The following DPP10 variants were observed in gnomAD, a reference collection of about 807,000 sequenced individuals.
DPP10 encodes dipeptidyl peptidase like 10, also known as inactive dipeptidyl peptidase 10.
A neutral mutation model predicts 120.9 loss-of-function variants in DPP10; 33 were observed. The ratio of observed to expected loss-of-function variants is 0.27; its 90% confidence interval spans 0.21 to 0.37. DPP10 has a LOEUF of 0.37. DPP10 is among the 10% of genes least tolerant of loss of function. The probability of loss-of-function intolerance (pLI) is 1.00; values close to 1 mark genes in which losing one functional copy is unlikely to be tolerated. For synonymous variants in DPP10, 337 were observed against 326.1 expected (o/e 1.03, Z -0.36); for missense variants, 816 against 942.8 (o/e 0.87, Z 1.76).
intron 5 of DPP10, among the ~76,000 whole-genome samples, chr2:115,643,439 G>A (rs960707900): frequency 6.6e-6 from 1 of 152,112 alleles, no homozygotes; most frequent in South Asian, 2.1e-4. Context: ...AAGCTCAAGG[G>A]TCTACCTGTA....
chr2:115,270,730 A>C (rs1475247471), intron 1 of DPP10, among the ~76,000 whole-genome samples: 4 of 152,234 alleles, frequency 2.6e-5, no homozygotes, highest in Non-Finnish European at 5.9e-5. Flanking sequence ...TATGACACAC[A>C]TGCTCATTGC....
chr2:115,338,232 T>C (rs183447878), intron 2 of DPP10, among the ~76,000 whole-genome samples: 8 of 152,182 alleles, frequency 5.3e-5, no homozygotes, highest in Non-Finnish European at 1.0e-4. Context: ...TCTAATAGTA[T>C]AAAAATAAGA....
At chr2:114,597,358 A>G (rs1691998932) in intron 1 of DPP10, among the ~76,000 whole-genome samples, 1 of 152,046 alleles carries the variant, frequency 6.6e-6, no homozygotes, top group Admixed American at 6.6e-5. Flanking sequence ...CATGTAAGTT[A>G]CAAAGACCCA....
At chr2:115,063,446 C>T (rs972607645) in intron 1 of DPP10, among the ~76,000 whole-genome samples, 12 of 152,006 alleles carry the variant, frequency 7.9e-5, no homozygotes, top group African/African-American at 2.9e-4. Context: ...CAAAAAAGAG[C>T]CCATATAGCC....
At chr2:114,718,845 G>A (rs1020577578) in intron 1 of DPP10, among the ~76,000 whole-genome samples, 1 of 152,184 alleles carries the variant, frequency 6.6e-6, no homozygotes, top group Non-Finnish European at 1.5e-5. Flanking sequence ...AAACTGAGGT[G>A]CAGAGAGGCT....
At chr2:115,052,456 TAAAGACCATAA>T (rs1705571401) in intron 1 of DPP10, among the ~76,000 whole-genome samples, 1 of 152,134 alleles carries the variant, frequency 6.6e-6, no homozygotes, top group South Asian at 2.1e-4. Context: ...CCAGAATATG[TAAAGACCATAA>T]AATTCAACAC....
chr2:115,226,811 T>C (rs1269091591), intron 1 of DPP10, among the ~76,000 whole-genome samples: 1 of 152,182 alleles, frequency 6.6e-6, no homozygotes, highest in Admixed American at 6.6e-5. Flanking sequence ...TGTTTCAGAT[T>C]ACTTGTTTGG....
chr2:114,646,092 G>A (rs1484419684), intron 1 of DPP10, among the ~76,000 whole-genome samples: 3 of 151,788 alleles, frequency 2.0e-5, no homozygotes, highest in Admixed American at 6.6e-5. Flanking sequence ...CCCAGGAGGC[G>A]GAGGTTGCAG....
chr2:115,421,428 A>G (rs1239062615), intron 3 of DPP10, among the ~76,000 whole-genome samples: 2 of 152,170 alleles, frequency 1.3e-5, no homozygotes, highest in East Asian at 3.8e-4. Flanking sequence ...ACCTGCATAT[A>G]TTCCTGGAGT....
intron 13 of DPP10, among the ~76,000 whole-genome samples, chr2:115,769,498 T>G (rs2149816198): frequency 6.6e-6 from 1 of 152,206 alleles, no homozygotes; most frequent in African/African-American, 2.4e-5. Flanking sequence ...GTTTTAACTT[T>G]AATTTTAATT....
At position 114,748,281 on chromosome 2, in the gene DPP10, G is replaced by A. The variant is rs145770861; in HGVS notation, c.60+305443G>A. 9.0e-4 allele frequency among the ~76,000 whole-genome samples: 134 copies of A among 149,378 alleles called. 1 individual carries two copies. Among genetic ancestry groups the A allele is most frequent in the African/African-American group, 2.5e-3 (100 of 40,670 alleles). ...AGGCTGCATTTCCCTTTATGGACCC[G>A]TGAGAAACATGCATCTTGAGCATCC... On this transcript the variant is annotated intron_variant, in intron 1 of 25. Coordinates refer to ENST00000410059, the MANE Select transcript of DPP10 (RefSeq NM_020868.6).
chr2:115,767,003 C>G (rs68023815), intron 12 of DPP10, among the ~76,000 whole-genome samples: 17,297 of 152,130 alleles, frequency 0.11, 1,118 homozygotes, highest in African/African-American at 0.17. Context: ...CAGATCCAAA[C>G]TATATCAGGT....
intron 1 of DPP10, among the ~76,000 whole-genome samples, chr2:115,111,165 T>C (rs1559107882): frequency 6.6e-6 from 1 of 152,136 alleles, no homozygotes; most frequent in African/African-American, 2.4e-5. Context: ...GCTTATGTTT[T>C]CTCCACACAT....
chr2:114,993,465 T>C (rs1431269525), intron 1 of DPP10, among the ~76,000 whole-genome samples: 1 of 151,290 alleles, frequency 6.6e-6, no homozygotes, highest in Non-Finnish European at 1.5e-5. Flanking sequence ...TACAAAACCT[T>C]ATAGAACCAA....
chr2:115,553,499 G>A (rs1396401663), intron 5 of DPP10, among the ~76,000 whole-genome samples: 4 of 151,744 alleles, frequency 2.6e-5, no homozygotes, highest in Non-Finnish European at 5.9e-5. Context: ...TTTGAACCTT[G>A]AATGAATAAA....
At chr2:114,798,984 C>A (rs572203438) in intron 1 of DPP10, among the ~76,000 whole-genome samples, 1 of 151,990 alleles carries the variant, frequency 6.6e-6, no homozygotes, top group African/African-American at 2.4e-5. Context: ...CAAAAAATAG[C>A]CAGGCATGGT....
chr2:115,436,261 C>T (rs1301287006), intron 3 of DPP10, among the ~76,000 whole-genome samples: 1 of 151,736 alleles, frequency 6.6e-6, no homozygotes, highest in Non-Finnish European at 1.5e-5. Context: ...GTTCTTACCT[C>T]TGTGTTTGTC....
intron 5 of DPP10, among the ~76,000 whole-genome samples, chr2:115,603,148 G>GTGTGTGTGTGTGTGTGTA (rs2083446701): frequency 6.7e-6 from 1 of 149,790 alleles, no homozygotes; most frequent in Admixed American, 6.7e-5. Flanking sequence ...GTGTGTGTGT[G>GTGTGTGTGTGTGTGTGTA]TGTGTGTGTG....
At chr2:114,886,927 C>G (rs975983680) in intron 1 of DPP10, among the ~76,000 whole-genome samples, 12 of 152,154 alleles carry the variant, frequency 7.9e-5, no homozygotes, top group Non-Finnish European at 4.4e-5. Flanking sequence ...CACTCCACCC[C>G]CTAGTCTGAC....
Sources: allele counts gnomAD v4.1 joint callset (sites outside exome capture counted in the v4.1 genomes callset), GRCh38; gene constraint gnomAD v4.1.1; transcripts MANE v1.5; gene names NCBI Gene and HGNC (gene_info 2026-07-23, HGNC 2026-07-21).